SPACA6: variants seen among roughly 807,000 people sequenced by gnomAD.
SPACA6 encodes the protein sperm acrosome associated 6.
For missense variants in SPACA6, 8 were observed against 2.8 expected (o/e 2.88, Z -1.34); for synonymous variants, 6 against 1.5 (o/e 4.05, Z -2.21).
At chr19:51,692,702 GGGGCCTCCCC>G (rs2083385344), upstream of SPACA6, 1 of 533,540 alleles carries the variant, frequency 1.9e-6, no homozygotes, top group Non-Finnish European at 3.9e-6. The surrounding 1 kb of genome is among the most constrained non-coding windows in gnomAD (Gnocchi z 5.6). Flanking sequence ...CATCGCGGCT[GGGGCCTCCCC>G]GGCCCTCCCC....
upstream of SPACA6, chr19:51,687,376 T>G (rs1203025041): frequency 2.0e-5 from 3 of 151,384 alleles, no homozygotes; most frequent in Non-Finnish European, 4.4e-5. Flanking sequence ...ATCTCCCAAT[T>G]AACTGAATAC....
At chr19:51,691,386 A>C (rs1279182430), upstream of SPACA6, among the ~76,000 whole-genome samples, 1 of 150,656 alleles carries the variant, frequency 6.6e-6, no homozygotes. Context: ...AAGACATCCG[A>C]AAAAAGGGGG....
downstream of SPACA6, among the ~76,000 whole-genome samples, chr19:51,712,556 T>G (rs994364522): frequency 6.7e-6 from 1 of 149,592 alleles, no homozygotes; most frequent in Non-Finnish European, 1.5e-5. Flanking sequence ...ACTGCTGGAG[T>G]GAAGTCTTTG....
downstream of SPACA6, among the ~76,000 whole-genome samples, chr19:51,712,671 T>C (rs182666046): frequency 3.3e-5 from 5 of 152,168 alleles, no homozygotes; most frequent in African/African-American, 7.2e-5. Context: ...GTGGAGTGTA[T>C]GGACACAGGG....
chr19:51,691,728 G>A (rs931451028), upstream of SPACA6, among the ~76,000 whole-genome samples: 1 of 151,970 alleles, frequency 6.6e-6, no homozygotes, highest in Non-Finnish European at 1.5e-5. Flanking sequence ...CCTGGAGCAG[G>A]GGCAGCGAGA....
intron 2 of SPACA6, among the ~76,000 whole-genome samples, chr19:51,700,731 C>A (rs942053556): frequency 6.6e-6 from 1 of 152,060 alleles, no homozygotes; most frequent in East Asian, 1.9e-4. Context: ...CATAAGTGAT[C>A]ATCATCTATA....
chr19:51,695,313 C>A (rs765154173), intron 2 of SPACA6, among the ~76,000 whole-genome samples: 1 of 152,272 alleles, frequency 6.6e-6, no homozygotes, highest in Non-Finnish European at 1.5e-5. Flanking sequence ...GGTAATCATG[C>A]CTGATCACCA....
downstream of SPACA6, among the ~76,000 whole-genome samples, chr19:51,707,220 C>G (rs2083519996): frequency 7.1e-6 from 1 of 141,626 alleles, no homozygotes; most frequent in Admixed American, 6.9e-5. Flanking sequence ...AAAACTGTTT[C>G]TCTCTCTCCC....
intron 2 of SPACA6, among the ~76,000 whole-genome samples, chr19:51,695,095 A>T (rs1007785269): frequency 6.6e-6 from 1 of 152,156 alleles, no homozygotes; most frequent in African/African-American, 2.4e-5. Flanking sequence ...CAGATTTCTT[A>T]TAAAGTGATT....
chr19:51,710,380 G>A (rs2083536339), intron 2 of SPACA6, among the ~76,000 whole-genome samples: 1 of 152,240 alleles, frequency 6.6e-6, no homozygotes, highest in Non-Finnish European at 1.5e-5. Context: ...AGACTTCCAT[G>A]TGGTAGTGGC....
At position 51,699,510 on chromosome 19, in the gene SPACA6, C is replaced by T. The variant is rs79557809; in HGVS notation, c.293-2148C>T. Among the ~76,000 whole-genome samples, 384 of 152,232 alleles carry T rather than the reference C, an allele frequency of 2.5e-3. 1 individual carries two copies. Among genetic ancestry groups the T allele is most frequent in the African/African-American group, 8.2e-3 (342 of 41,538 alleles). ...TGCTAGGACCACTGTAACAAAGTAC[C>T]GTAGACTGGGTGACTCGAACAACAG... is the stretch of plus-strand genomic sequence containing the variant. On this transcript the variant is annotated intron_variant, in intron 2 of 8. Coordinates refer to ENST00000637797, the MANE Select transcript of SPACA6 (RefSeq NM_001316972.2).
downstream of SPACA6, among the ~76,000 whole-genome samples, chr19:51,708,909 G>A (rs966320185): frequency 7.2e-5 from 11 of 152,012 alleles, no homozygotes; most frequent in African/African-American, 2.7e-4. Flanking sequence ...GAAAAGCCCT[G>A]AGGCAGGAGT....
chr19:51,697,434 GC>G (rs1388032473), intron 2 of SPACA6, among the ~76,000 whole-genome samples: 1 of 152,140 alleles, frequency 6.6e-6, no homozygotes, highest in African/African-American at 2.4e-5. Context: ...CGTGCAAAAG[GC>G]TGTGTTTGCC....
rs1568620231 is a variant in SPACA6, at chr19:51,704,301, G to C, written c.762G>C (p.Glu254Asp). 2.5e-6 allele frequency: 1 copy of C among 400,828 alleles called. No individual in the cohort carries two copies. The highest frequency in any genetic ancestry group is 4.4e-6 in the Non-Finnish European group (1 of 226,052). The allele number at this position is 400,828 out of a possible 1,614,324, so 24.8% of individuals were successfully genotyped here. A position where few individuals can be genotyped will look rare whatever the true frequency, so the allele number is the denominator to read the frequency against. Reference protein sequence around the residue: ...VTGPPPRAETELQASFREVLR... With the variant: ...VTGPPPRAETDLQASFREVLR... ...GCCCGCCCCCGCGGGCGGAGACAGA[G>C]TTGCAGGCCTCGTTCCGGGAAGTGC... The change falls in exon 8 of 9, where the codon GAG becomes GAC. Residue 254 changes from glutamate to aspartate, a missense_variant. Physicochemically the swap from Glu to Asp is conservative, Grantham distance 45. Transcript: ENST00000637797.
At position 51,704,349 on chromosome 19, in the gene SPACA6, C is replaced by G. The variant is rs1050759165; in HGVS notation, c.810C>G (p.Ala270=). The G allele has an allele frequency of 1.2e-5, 5 of 400,954 alleles. No individual in the cohort carries two copies. The highest frequency in any genetic ancestry group is 3.6e-5 in the East Asian group (1 of 28,032). The allele number at this position is 400,954 out of a possible 1,614,324, so 24.8% of individuals were successfully genotyped here. A position where few individuals can be genotyped will look rare whatever the true frequency, so the allele number is the denominator to read the frequency against. The change falls in exon 8 of 9, where the codon GCC becomes GCG. Residue 270 remains alanine (A), a synonymous_variant. Transcript: ENST00000637797. ...TGCTGCGCTGGGCGCCGCGGGATGCCGAGCTGATCGAGCCCTGGAGGCCCA... is the reference window on the plus strand; with the variant it reads ...TGCTGCGCTGGGCGCCGCGGGATGCGGAGCTGATCGAGCCCTGGAGGCCCA... The part of the protein sequence containing the change: ...REVLRWAPRD[A]ELIEPWRPSL...
At chr19:51,690,898 G>A (rs2083364605), upstream of SPACA6, among the ~76,000 whole-genome samples, 1 of 151,586 alleles carries the variant, frequency 6.6e-6, no homozygotes, top group South Asian at 2.1e-4. Context: ...CTCCGGGCCA[G>A]GTTGGTGTGG....
At chr19:51,692,927 C>T, upstream of SPACA6, 1 of 517,998 alleles carries the variant, frequency 1.9e-6, no homozygotes, top group Non-Finnish European at 4.0e-6. This position sits in a 1 kb window ranked among gnomAD's most constrained non-coding sequence, Gnocchi z 5.6. Context: ...ACCCTTAGCC[C>T]CACTGGGCTG....
At chr19:51,704,641 C>T (rs2083500391) in intron 8 of SPACA6, 161 bp downstream of exon 8, 1 of 399,168 alleles carries the variant, frequency 2.5e-6, no homozygotes. Context: ...CTTTACTAGC[C>T]CAGGAATCCA....
In SPACA6 at chr19:51,693,466, C is replaced by G. The variant is rs941142239; in HGVS notation, c.-61C>G. 19 of 554,036 alleles carry G rather than the reference C, an allele frequency of 3.4e-5. No homozygotes were observed. The highest frequency in any genetic ancestry group is 5.7e-5 in the East Asian group (2 of 34,978). 34.3% of individuals were successfully genotyped at this position (554,036 alleles called of 1,614,324 possible). On this transcript the variant is annotated 5_prime_UTR_variant, in exon 1 of 9. Transcript: ENST00000637797. The stretch of plus-strand genomic sequence containing the variant: ...CTGACCCCAGACCACTGGCCCTTCC[C>G]CCGCCCTGTGGTGACTTCATAAAGG...
Sources: allele counts gnomAD v4.1 joint callset (sites outside exome capture counted in the v4.1 genomes callset), GRCh38; gene constraint gnomAD v4.1.1; non-coding constraint Gnocchi (gnomAD v3.1); transcripts MANE v1.5; gene names NCBI Gene and HGNC (gene_info 2026-07-23, HGNC 2026-07-21).